PTPRD: variants seen among roughly 807,000 people sequenced by gnomAD.
The protein encoded by PTPRD is protein tyrosine phosphatase receptor type D.
PTPRD carries 34 observed loss-of-function variants against 214.5 expected under a neutral mutation model. That is an observed-to-expected ratio of 0.16 (90% CI 0.12 to 0.21). The LOEUF is 0.21. Among genes scored for constraint, PTPRD ranks in the 10% least tolerant of loss-of-function variants. PTPRD has a pLI of 1.00. For missense variants in PTPRD, 2,545 were observed against 2,398.7 expected (o/e 1.06, Z -1.27); for synonymous variants, 1,128 against 845.7 (o/e 1.33, Z -5.79).
At chr9:10,025,339 G>A (rs10958827) in intron 4 of PTPRD, among the ~76,000 whole-genome samples, 17,492 of 152,090 alleles carry the variant, frequency 0.12, 1,389 homozygotes, top group African/African-American at 0.21. Flanking sequence ...GGTGCGAGAT[G>A]GTATCTGAAC....
At chr9:8,797,679 G>A (rs893364935) in intron 11 of PTPRD, among the ~76,000 whole-genome samples, 1 of 152,100 alleles carries the variant, frequency 6.6e-6, no homozygotes, top group Non-Finnish European at 1.5e-5. Context: ...TCCTGTCACT[G>A]ATCTCACCAG....
chr9:10,526,693 C>A (rs1400831505), intron 2 of PTPRD, among the ~76,000 whole-genome samples: 1 of 151,948 alleles, frequency 6.6e-6, no homozygotes, highest in Admixed American at 6.6e-5. Flanking sequence ...AAGAGTTACC[C>A]AAATTTTAAA....
At chr9:8,989,939 T>C (rs572768084) in intron 11 of PTPRD, among the ~76,000 whole-genome samples, 1 of 152,312 alleles carries the variant, frequency 6.6e-6, no homozygotes, top group African/African-American at 2.4e-5. Flanking sequence ...TTACAATATT[T>C]ACTCAGACAG....
intron 11 of PTPRD, among the ~76,000 whole-genome samples, chr9:8,846,510 A>G (rs1440112557): frequency 6.6e-6 from 1 of 152,216 alleles, no homozygotes; most frequent in Non-Finnish European, 1.5e-5. Flanking sequence ...TTTAGTGCCC[A>G]GAGAAAGGTA....
intron 8 of PTPRD, among the ~76,000 whole-genome samples, chr9:9,450,628 C>T (rs2091879135): frequency 6.6e-6 from 1 of 151,652 alleles, no homozygotes. Context: ...TATAGCATGC[C>T]TGAGACCTAA....
At chr9:9,953,671 T>C (rs1033638523) in intron 4 of PTPRD, among the ~76,000 whole-genome samples, 2 of 152,304 alleles carry the variant, frequency 1.3e-5, no homozygotes, top group East Asian at 3.9e-4. Context: ...ATCTGACTTA[T>C]GCTCACTGAG....
chr9:9,300,421 C>A (rs1201329088), intron 9 of PTPRD, among the ~76,000 whole-genome samples: 1 of 151,768 alleles, frequency 6.6e-6, no homozygotes, highest in African/African-American at 2.4e-5. Flanking sequence ...AGCGCCTCTT[C>A]ATCATTATGA....
intron 9 of PTPRD, among the ~76,000 whole-genome samples, chr9:9,396,721 C>CA (rs2067978347): frequency 6.6e-6 from 1 of 151,900 alleles, no homozygotes. Flanking sequence ...TGAATAAGAA[C>CA]AAAAAATGCA....
chr9:9,720,000 C>G (rs2097908217), intron 7 of PTPRD, among the ~76,000 whole-genome samples: 1 of 152,104 alleles, frequency 6.6e-6, no homozygotes, highest in African/African-American at 2.4e-5. Flanking sequence ...CCACTCCACA[C>G]CTGGCTCACC....
At chr9:10,500,031 C>T (rs2043190766) in intron 2 of PTPRD, among the ~76,000 whole-genome samples, 1 of 148,234 alleles carries the variant, frequency 6.7e-6, no homozygotes, top group South Asian at 2.1e-4. Context: ...CTTTATAAGA[C>T]CATGACCTTT....
intron 3 of PTPRD, among the ~76,000 whole-genome samples, chr9:10,303,041 T>C (rs1036958669): frequency 4.0e-5 from 6 of 151,878 alleles, no homozygotes; most frequent in Non-Finnish European, 5.9e-5. Context: ...TGCAAAACAA[T>C]AGCAATCATA....
intron 11 of PTPRD, among the ~76,000 whole-genome samples, chr9:8,840,478 T>C (rs540504898): frequency 1.2e-4 from 18 of 152,230 alleles, no homozygotes; most frequent in Non-Finnish European, 2.2e-4. Flanking sequence ...CTTTTTCCTG[T>C]ATAAATTACC....
chr9:8,602,605 G>A (rs2094935817), intron 14 of PTPRD, among the ~76,000 whole-genome samples: 2 of 152,084 alleles, frequency 1.3e-5, no homozygotes, highest in African/African-American at 2.4e-5. Context: ...AAACCAAAAC[G>A]GCCTTCAACA....
chr9:10,163,399 T>C (rs1031737700), intron 3 of PTPRD, among the ~76,000 whole-genome samples: 4 of 151,446 alleles, frequency 2.6e-5, no homozygotes, highest in African/African-American at 9.7e-5. Flanking sequence ...TGTTATAACA[T>C]TTTAAAATAT....
chr9:8,851,960 G>C (rs904982277), intron 11 of PTPRD, among the ~76,000 whole-genome samples: 6 of 151,968 alleles, frequency 3.9e-5, no homozygotes. Flanking sequence ...ATGCACGCAT[G>C]GTTAAATGAG....
At chr9:10,358,714 T>C (rs1381175155) in intron 2 of PTPRD, among the ~76,000 whole-genome samples, 1 of 151,992 alleles carries the variant, frequency 6.6e-6, no homozygotes, top group Non-Finnish European at 1.5e-5. Context: ...GTTTTTAATC[T>C]GAAATATTAT....
At chr9:9,757,152 C>A (rs921947862) in intron 6 of PTPRD, among the ~76,000 whole-genome samples, 3 of 152,078 alleles carry the variant, frequency 2.0e-5, no homozygotes, top group African/African-American at 7.2e-5. Context: ...CCCTTTATGA[C>A]CATTCCTTAG....
At chr9:10,182,259 C>CAAAAAAAAA (rs3075574) in intron 3 of PTPRD, among the ~76,000 whole-genome samples, 7 of 54,430 alleles carry the variant, frequency 1.3e-4, no homozygotes, top group Non-Finnish European at 1.7e-4. Flanking sequence ...GACTCTGCCT[C>CAAAAAAAAA]AAAAAAAAAA....
At chr9:10,326,795 GGTTT>G (rs1011852948) in intron 3 of PTPRD, among the ~76,000 whole-genome samples, 17 of 150,976 alleles carry the variant, frequency 1.1e-4, no homozygotes, top group African/African-American at 2.7e-4. Flanking sequence ...GCTCTCTACC[GGTTT>G]GTTTGTTTTT....
Sources: allele counts gnomAD v4.1 joint callset (sites outside exome capture counted in the v4.1 genomes callset), GRCh38; gene constraint gnomAD v4.1.1; transcripts MANE v1.5; gene names NCBI Gene and HGNC (gene_info 2026-07-23, HGNC 2026-07-21).